Variants in SCAPER observed in about 807,000 individuals in gnomAD.
The protein encoded by SCAPER is S-phase cyclin A associated protein in the ER.
A neutral mutation model predicts 182.2 loss-of-function variants in SCAPER; 98 were observed. That is an observed-to-expected ratio of 0.54 (90% confidence interval 0.46 to 0.64). SCAPER has a LOEUF of 0.64. Ranked by LOEUF, SCAPER falls within the 30% of genes least tolerant of loss-of-function variation. SCAPER has a pLI of 0.00. For missense variants in SCAPER, 1,432 were observed against 1,690.0 expected, an observed-to-expected ratio of 0.85 and a Z score of 2.68; for synonymous variants, 605 against 564.6, an observed-to-expected ratio of 1.07 and a Z score of -1.01.
At chr15:76,809,967 G>A (rs781457962) in intron 5 of SCAPER, among the ~76,000 whole-genome samples, 58 of 152,074 alleles carry the variant, frequency 3.8e-4, no homozygotes, top group Admixed American at 1.6e-3. Flanking sequence ...AGTACTGAAC[G>A]AAAAAGAAAG....
chr15:76,807,279 G>C (rs1481973848), intron 5 of SCAPER, among the ~76,000 whole-genome samples: 1 of 152,126 alleles, frequency 6.6e-6, no homozygotes, highest in African/African-American at 2.4e-5. Context: ...TTTGTCAAAT[G>C]CCTTTTCTGC....
rs1031150934 is a variant in SCAPER at position 76,869,701 on chromosome 15, C to T, written c.7-7168G>A. On this transcript the variant is annotated intron_variant, in intron 2 of 31. Coordinates refer to ENST00000563290, the MANE Select transcript of SCAPER (RefSeq NM_020843.4). Reference sequence around the variant, plus strand: ...CATTATAGAGAACAGTATGAAAGTTCCCCAAAAAAACTAAAAAGAGAATCA... The same window carrying T: ...CATTATAGAGAACAGTATGAAAGTTTCCCAAAAAAACTAAAAAGAGAATCA... 7.2e-5 allele frequency among the ~76,000 whole-genome samples: 11 copies of T among 152,034 alleles called. No individual in the cohort carries two copies. The South Asian group carries it at 1.9e-3, about 26-fold the overall frequency.
chr15:76,551,962 C>A (rs1309013857), intron 23 of SCAPER, among the ~76,000 whole-genome samples: 1 of 151,672 alleles, frequency 6.6e-6, no homozygotes, highest in Non-Finnish European at 1.5e-5. Flanking sequence ...CTGTAGCCTC[C>A]ATAGCCCTGT....
At chr15:76,832,103 T>G (rs1334508396) in intron 5 of SCAPER, among the ~76,000 whole-genome samples, 1 of 152,168 alleles carries the variant, frequency 6.6e-6, no homozygotes, top group African/African-American at 2.4e-5. Flanking sequence ...TCCAAATAAC[T>G]GCACTAGCTC....
intron 23 of SCAPER, among the ~76,000 whole-genome samples, chr15:76,543,681 C>T (rs1265262504): frequency 3.9e-5 from 6 of 152,122 alleles, no homozygotes; most frequent in African/African-American, 1.4e-4. Context: ...GAACCTATAT[C>T]ATATGCCTGT....
chr15:76,555,461 C>T (rs1457946329), intron 23 of SCAPER, among the ~76,000 whole-genome samples: 1 of 152,082 alleles, frequency 6.6e-6, no homozygotes, highest in Non-Finnish European at 1.5e-5. Flanking sequence ...GAAGCATGAC[C>T]CAACTGCATG....
At chr15:76,555,815 A>C (rs1048059668) in intron 23 of SCAPER, among the ~76,000 whole-genome samples, 5 of 152,222 alleles carry the variant, frequency 3.3e-5, no homozygotes, top group African/African-American at 1.2e-4. Context: ...CCAGTATTAG[A>C]CAGATCATTG....
Position 76,512,219 on chromosome 15 carries a change from AAAC to A in SCAPER, c.2839-7248_2839-7246del, listed in dbSNP as rs1320035156. On this transcript the variant is annotated intron_variant, in intron 23 of 31. Transcript: ENST00000563290. ...TACATGGTTTTAACTGCTAAAACAC[AAAC>A]AATAATTTCTCTAGTATGATTGCAG... Among the ~76,000 whole-genome samples, 7 of 143,496 alleles carry A rather than the reference AAAC, an allele frequency of 4.9e-5. No homozygotes were observed. In the East Asian group the frequency reaches 1.4e-3, roughly 28 times the overall value. The allele number at this position is 143,496 out of a possible 152,430, so 94.1% of individuals were successfully genotyped here.
chr15:76,779,711 TA>T (rs35003637), intron 8 of SCAPER, among the ~76,000 whole-genome samples: 24,567 of 149,096 alleles, frequency 0.16, 2,331 homozygotes, highest in African/African-American at 0.27. Context: ...GTTACTCTGT[TA>T]AAAAAAAAAA....
intron 21 of SCAPER, 37 bp downstream of exon 21, chr15:76,665,616 A>T (rs200179347): frequency 6.5e-7 from 1 of 1,545,884 alleles, no homozygotes; most frequent in East Asian, 2.3e-5. Flanking sequence ...TACATCACTA[A>T]AAGTTTTTCT....
intron 23 of SCAPER, among the ~76,000 whole-genome samples, chr15:76,547,712 T>C (rs1391190675): frequency 2.0e-5 from 3 of 152,260 alleles, no homozygotes; most frequent in East Asian, 1.9e-4. Context: ...CATTGATTGA[T>C]TGATGAGACG....
chr15:76,700,037 G>T (rs1167336683), intron 20 of SCAPER, among the ~76,000 whole-genome samples: 2 of 152,136 alleles, frequency 1.3e-5, no homozygotes, highest in African/African-American at 4.8e-5. Flanking sequence ...GGTCTCCTGG[G>T]GTAGGAGCTA....
intron 20 of SCAPER, among the ~76,000 whole-genome samples, chr15:76,697,283 T>C (rs549035591): frequency 1.3e-5 from 2 of 152,298 alleles, no homozygotes; most frequent in African/African-American, 4.8e-5. Flanking sequence ...TGCTATATTA[T>C]ACACTTGTTT....
chr15:76,852,052 A>T (rs116265043), intron 4 of SCAPER, among the ~76,000 whole-genome samples: 10,213 of 152,288 alleles, frequency 0.067, 378 homozygotes, highest in Middle Eastern at 0.11. Flanking sequence ...AACTTCAGAC[A>T]AAACAGACTT....
At chr15:76,778,832 C>T (rs762040796) in intron 8 of SCAPER, among the ~76,000 whole-genome samples, 7 of 151,886 alleles carry the variant, frequency 4.6e-5, no homozygotes, top group Non-Finnish European at 8.8e-5. Flanking sequence ...CTTAAAAATA[C>T]ACTTAAACTA....
At chr15:76,647,503 T>A (rs2054641765) in intron 21 of SCAPER, among the ~76,000 whole-genome samples, 3 of 152,198 alleles carry the variant, frequency 2.0e-5, no homozygotes, top group South Asian at 4.1e-4. Context: ...TCCAGATAGC[T>A]ACATATCGGG....
At chr15:76,444,356 T>C (rs1356699029) in intron 25 of SCAPER, among the ~76,000 whole-genome samples, 2 of 152,210 alleles carry the variant, frequency 1.3e-5, no homozygotes, top group Non-Finnish European at 2.9e-5. Context: ...GTACCACTTA[T>C]AAAAGTGTCT....
At chr15:76,357,208 A>G (rs910810812) in intron 29 of SCAPER, among the ~76,000 whole-genome samples, 3 of 141,212 alleles carry the variant, frequency 2.1e-5, no homozygotes, top group African/African-American at 7.6e-5. Flanking sequence ...CCACTCACCT[A>G]CCTCGCTTAG....
rs200914871 is a variant in SCAPER at position 76,615,492 on chromosome 15, G to GACACACAC, written c.2711+6264_2711+6271dup. On this transcript the variant is annotated intron_variant, in intron 22 of 31. Coordinates refer to ENST00000563290, the MANE Select transcript of SCAPER (RefSeq NM_020843.4). The stretch of plus-strand genomic sequence containing the variant: ...GTATATATACATACACACACACACA[G>GACACACAC]ACACACACACACACACACACACACA... Among the ~76,000 whole-genome samples the GACACACAC allele has an allele frequency of 6.7e-3, 950 of 140,742 alleles. 13 individuals are homozygous for GACACACAC. The highest frequency in any genetic ancestry group is 0.024 in the African/African-American group (901 of 37,350). 92.3% of individuals were successfully genotyped at this position (140,742 alleles called of 152,430 possible).
Sources: allele counts gnomAD v4.1 joint callset (sites outside exome capture counted in the v4.1 genomes callset), GRCh38; gene constraint gnomAD v4.1.1; transcripts MANE v1.5; gene names NCBI Gene and HGNC (gene_info 2026-07-23, HGNC 2026-07-21).